Variants in CDK15 observed in about 807,000 individuals in gnomAD.
CDK15 encodes cyclin-dependent kinase 15.
In CDK15, 62 loss-of-function variants were observed where a neutral mutation model predicts 60.3. The ratio of observed to expected loss-of-function variants is 1.03; its 90% confidence interval spans 0.84 to 1.27. CDK15 has a LOEUF of 1.27. Ranked by LOEUF, CDK15 falls within the 50% of genes most tolerant of loss-of-function variation. CDK15 has a pLI of 0.00. For missense variants in CDK15, 541 were observed against 527.8 expected (o/e 1.03, Z -0.25); for synonymous variants, 194 against 195.7 (o/e 0.99, Z 0.07).
In CDK15 at chr2:201,812,553, A is replaced by C. The variant is rs758687247; in HGVS notation, c.439A>C (p.Ile147Leu). 1.2e-6 allele frequency: 2 copies of C among 1,612,222 alleles called. No individual in the cohort carries two copies. The highest frequency in any genetic ancestry group is 1.7e-6 in the Non-Finnish European group (2 of 1,178,600). ...AGAGGAAGGAGTCCCATTTACAGCT[A>C]TCCGAGAAGGTAAGAACAGCAGAAA... ...NAEEGVPFTA[I>L]REASLLKGLK... The change falls in exon 4 of 14, where the codon ATC (isoleucine) becomes CTC (leucine). Residue 147 changes from isoleucine (I) to leucine (L), a missense_variant. Transcript: ENST00000652192.
chr2:201,831,227 G>A (rs1031291524), intron 6 of CDK15, among the ~76,000 whole-genome samples: 3 of 152,298 alleles, frequency 2.0e-5, no homozygotes, highest in South Asian at 2.1e-4. Context: ...GGGATTCCAG[G>A]GGGGATGGAA....
chr2:201,876,865 G>A (rs930530713), intron 11 of CDK15, among the ~76,000 whole-genome samples: 5 of 152,090 alleles, frequency 3.3e-5, no homozygotes, highest in South Asian at 2.1e-4. Context: ...TGGTACGATC[G>A]TGGCTCACTG....
intron 11 of CDK15, 101 bp downstream of exon 11, chr2:201,872,427 T>A: frequency 2.4e-6 from 3 of 1,245,694 alleles, no homozygotes; most frequent in Non-Finnish European, 3.5e-6. Flanking sequence ...CCCCGAGCAC[T>A]TCCATGTGGG....
At chr2:201,854,698 C>G (rs949692424) in intron 9 of CDK15, 176 bp from the exon 10 acceptor site, 1 of 595,828 alleles carries the variant, frequency 1.7e-6, no homozygotes, top group African/African-American at 1.9e-5. Context: ...CAAGAAACCA[C>G]AAACGTTGGA....
intron 12 of CDK15, among the ~76,000 whole-genome samples, chr2:201,881,358 A>C (rs537751589): frequency 4.6e-5 from 7 of 152,324 alleles, no homozygotes; most frequent in Admixed American, 3.9e-4. Flanking sequence ...GTCAGTCATT[A>C]GTATTTATTA....
Position 201,807,803 on chromosome 2 carries a change from G to A in CDK15, c.274-55G>A, listed in dbSNP as rs373141817. 2.8e-5 allele frequency: 44 copies of A among 1,563,616 alleles called. 1 individual carries two copies. Among genetic ancestry groups the A allele is most frequent in the East Asian group, 1.6e-4 (7 of 44,516 alleles). On this transcript the variant is annotated intron_variant, in intron 2 of 13. Transcript: ENST00000652192. ...GAAAAAAAGTCAACACTAAAAAAAA[G>A]TGTTCTTTCTCTCTTCCCTTTCACC... is the stretch of plus-strand genomic sequence containing the variant.
At chr2:201,843,015 G>A (rs537570555) in intron 8 of CDK15, among the ~76,000 whole-genome samples, 1 of 152,226 alleles carries the variant, frequency 6.6e-6, no homozygotes, top group South Asian at 2.1e-4. Flanking sequence ...GGAAATAGAA[G>A]CTGGTTCCCT....
rs150132552 is a variant in CDK15 at position 201,869,368 on chromosome 2, G to T, written c.1010-2910G>T. On this transcript the variant is annotated intron_variant, in intron 10 of 13. Coordinates refer to ENST00000652192, the MANE Select transcript of CDK15 (RefSeq NM_001366386.2). ...CACAGGGCGGGGAACATCACACACC[G>T]GGGCCTGTCATGGGGTGGGGGGCAG... Among the ~76,000 whole-genome samples the T allele has an allele frequency of 2.6e-5, 4 of 151,270 alleles. No homozygotes were observed. In the South Asian group the frequency reaches 8.4e-4, roughly 32 times the overall value.
In CDK15 at chr2:201,807,483, T is replaced by C; in HGVS notation, c.124-11T>C. 1 of 1,605,938 alleles carries C rather than the reference T, an allele frequency of 6.2e-7. No individual in the cohort carries two copies. Among genetic ancestry groups the C allele is most frequent in the Non-Finnish European group, 8.5e-7 (1 of 1,176,974 alleles). ...CATAAATTTTATTTCTGCTCTTTCT[T>C]TTTTCTCTAGCTAACAGACCTAAAA... On this transcript the variant is annotated splice_polypyrimidine_tract_variant and intron_variant, in intron 1 of 13. Coordinates refer to ENST00000652192, the MANE Select transcript of CDK15 (RefSeq NM_001366386.2).
intron 9 of CDK15, among the ~76,000 whole-genome samples, chr2:201,854,173 CA>C (rs1404709152): frequency 1.2e-4 from 16 of 137,326 alleles, no homozygotes; most frequent in Non-Finnish European, 1.4e-4. Context: ...GACTCCGTCT[CA>C]AAAAAAAAAA....
Position 201,882,129 on chromosome 2 carries a change from A to T in CDK15, c.1198+1962A>T, listed in dbSNP as rs573892081. ...TCCTGGCTGACCCAAAAGCAAAGCC[A>T]CCAACAGAGGGGCCGTGGTGCATGG... On this transcript the variant is annotated intron_variant, in intron 12 of 13. Transcript: ENST00000652192. The surrounding 1 kb of genome is among the most constrained non-coding windows in gnomAD (Gnocchi z 4.0). Among the ~76,000 whole-genome samples, 5 of 152,286 alleles carry T rather than the reference A, an allele frequency of 3.3e-5. No individual in the cohort carries two copies. Among genetic ancestry groups the T allele is most frequent in the Admixed American group, 3.3e-4 (5 of 15,298 alleles).
chr2:201,836,858 C>T (rs1054941833), intron 8 of CDK15, among the ~76,000 whole-genome samples: 3 of 149,874 alleles, frequency 2.0e-5, no homozygotes, highest in Non-Finnish European at 3.0e-5. Context: ...CATGCCAGTT[C>T]GATTTCTAAT....
At chr2:201,839,681 G>A (rs1697285059) in intron 8 of CDK15, among the ~76,000 whole-genome samples, 1 of 142,816 alleles carries the variant, frequency 7.0e-6, no homozygotes, top group Non-Finnish European at 1.5e-5. Flanking sequence ...CAGACAGACA[G>A]ACAGACAGAT....
chr2:201,822,716 T>G (rs766842780), intron 4 of CDK15, 93 bp from the exon 5 acceptor site: 36 of 689,260 alleles, frequency 5.2e-5, no homozygotes, highest in Non-Finnish European at 8.1e-5. Context: ...AATGTTTGAT[T>G]TGAAATGTTG....
intron 8 of CDK15, among the ~76,000 whole-genome samples, chr2:201,842,894 G>C (rs1411425653): frequency 6.6e-6 from 1 of 152,166 alleles, no homozygotes; most frequent in Non-Finnish European, 1.5e-5. Context: ...GTCTACACGG[G>C]CTGCCCCACG....
At chr2:201,838,484 A>C (rs1697224962) in intron 8 of CDK15, among the ~76,000 whole-genome samples, 1 of 151,942 alleles carries the variant, frequency 6.6e-6, no homozygotes. Flanking sequence ...GTCTCACTGC[A>C]GCCTCCAACT....
At chr2:201,822,115 C>T (rs774140882) in intron 4 of CDK15, among the ~76,000 whole-genome samples, 1 of 152,208 alleles carries the variant, frequency 6.6e-6, no homozygotes, top group Non-Finnish European at 1.5e-5. Flanking sequence ...TTCTTTCCTT[C>T]AAGGCTGCCT....
chr2:201,888,121 G>C (rs372049308), intron 12 of CDK15, among the ~76,000 whole-genome samples: 4 of 150,542 alleles, frequency 2.7e-5, no homozygotes, highest in East Asian at 1.9e-4. Flanking sequence ...CCTGTGAAAG[G>C]TTATTTAGCC....
chr2:201,881,286 T>G (rs1699270165), intron 12 of CDK15, among the ~76,000 whole-genome samples: 1 of 152,164 alleles, frequency 6.6e-6, no homozygotes. Flanking sequence ...TCATTTAGGA[T>G]CTCCAAAAAT....
Sources: gnomAD v4.1 joint callset for allele counts (sites outside exome capture counted in the v4.1 genomes callset) on GRCh38, gnomAD v4.1.1 for gene constraint, Gnocchi (gnomAD v3.1) non-coding constraint, MANE v1.5 for transcripts, NCBI Gene and HGNC (gene_info 2026-07-23, HGNC 2026-07-21) for gene names.